The following ODF2 variants were observed in gnomAD, a reference collection of about 807,000 sequenced individuals.
ODF2 encodes outer dense fiber protein 2.
In ODF2, 47 loss-of-function variants were observed where a neutral mutation model predicts 110.2. The observed-to-expected ratio is 0.43, with a 90% CI of 0.34 to 0.54. ODF2 has a LOEUF of 0.54. ODF2 is among the 20% of genes least tolerant of loss of function. The pLI is 0.03. For missense variants in ODF2, 812 were observed against 1,054.5 expected (o/e 0.77, Z 3.19); for synonymous variants, 352 against 397.7 (o/e 0.89, Z 1.37).
At chr9:128,455,336 G>C (rs1446284556), upstream of ODF2, 5 of 921,872 alleles carry the variant, frequency 5.4e-6, no homozygotes, top group South Asian at 6.2e-5. Flanking sequence ...TGGATCATGA[G>C]GTCAGGAGAT....
intron 14 of ODF2, among the ~76,000 whole-genome samples, 198 bp from the exon 15 acceptor site, chr9:128,492,228 C>T (rs1423252814): frequency 6.6e-6 from 1 of 151,920 alleles, no homozygotes; most frequent in East Asian, 1.9e-4. Context: ...AAACAGAAGT[C>T]ATTTATTTGC....
chr9:128,482,536 G>A (rs1842595089), intron 9 of ODF2, among the ~76,000 whole-genome samples: 1 of 152,162 alleles, frequency 6.6e-6, no homozygotes, highest in Non-Finnish European at 1.5e-5. Context: ...ATCTCTGCAT[G>A]GGGGGTTACG....
At chr9:128,483,580 C>CAA (rs146802585) in intron 10 of ODF2, among the ~76,000 whole-genome samples, 8 of 107,284 alleles carry the variant, frequency 7.5e-5, no homozygotes, top group African/African-American at 2.1e-4. Flanking sequence ...TACCCTGTCT[C>CAA]AAAAAAAAAA....
chr9:128,460,173 A>C (rs1305122854), intron 3 of ODF2: 1 of 1,299,670 alleles, frequency 7.7e-7, no homozygotes, highest in African/African-American at 1.5e-5. Flanking sequence ...ATCACTGTGT[A>C]GAAGGATCCG....
At chr9:128,471,178 T>C in intron 5 of ODF2, 130 bp from the exon 6 acceptor site, 2 of 882,624 alleles carry the variant, frequency 2.3e-6, no homozygotes, top group Non-Finnish European at 3.4e-6. Context: ...CCTCCCAAAG[T>C]GCTGGGATTA....
intron 10 of ODF2, among the ~76,000 whole-genome samples, chr9:128,483,613 G>A (rs961255575): frequency 6.7e-6 from 1 of 149,246 alleles, no homozygotes; most frequent in East Asian, 2.0e-4. Flanking sequence ...GACCATGCGC[G>A]GTGGCTCACG....
chr9:128,485,541 C>A lies in ODF2; in HGVS notation c.1400+67C>A. On this transcript the variant is annotated intron_variant, in intron 13 of 20. Transcript: ENST00000604420. The surrounding 1 kb of genome is among the most constrained non-coding windows in gnomAD (Gnocchi z 5.0). ...GACTTGGGTGTGCAGGTGGGAGGGG[C>A]CTAGTGGCTCAGGGAAGGCCACGTG... is the stretch of plus-strand genomic sequence containing the variant. 2 of 870,276 alleles carry A rather than the reference C, an allele frequency of 2.3e-6. No homozygotes were observed. Among genetic ancestry groups the A allele is most frequent in the Non-Finnish European group, 1.9e-6 (1 of 526,398 alleles). 53.9% of individuals were successfully genotyped at this position (870,276 alleles called of 1,614,324 possible). A position where few individuals can be genotyped will look rare whatever the true frequency, so the allele number is the denominator to read the frequency against.
chr9:128,466,479 AAT>A (rs1837942682), intron 4 of ODF2, among the ~76,000 whole-genome samples: 1 of 151,034 alleles, frequency 6.6e-6, no homozygotes, highest in South Asian at 2.1e-4. Context: ...AAAAAAAAAA[AAT>A]GGAAAAGTGC....
chr9:128,481,707 C>G, intron 9 of ODF2, 56 bp downstream of exon 9: 1 of 1,423,710 alleles, frequency 7.0e-7, no homozygotes, highest in Non-Finnish European at 9.9e-7. Flanking sequence ...GAGCGTCGTT[C>G]CACTACAAAG....
intron 18 of ODF2, chr9:128,497,438 AAAAAAAAAATATATAT>A (rs1845746899): frequency 3.2e-5 from 3 of 94,576 alleles, no homozygotes; most frequent in African/African-American, 1.1e-4. Context: ...AAAAAAAAAA[AAAAAAAAAATATATAT>A]ATATATATAT....
rs546551268 is a variant in ODF2 at position 128,485,676 on chromosome 9, G to C, written c.1400+202G>C. 6.6e-6 allele frequency among the ~76,000 whole-genome samples: 1 copy of C among 152,154 alleles called. No individual in the cohort carries two copies. Among genetic ancestry groups the C allele is most frequent in the Admixed American group, 6.5e-5 (1 of 15,274 alleles). On this transcript the variant is annotated intron_variant, in intron 13 of 20. Transcript: ENST00000604420. This position sits in a 1 kb window ranked among gnomAD's most constrained non-coding sequence, Gnocchi z 5.0. ...GGTGCAAGCTCTGGCCCTAGTCCTG[G>C]GGTCCTACCCTACTGTCAGGCACTG...
At chr9:128,500,476 A>T (rs1211253618) in exon 21 of ODF2, 5 of 531,986 alleles carry the variant, frequency 9.4e-6, no homozygotes, top group African/African-American at 1.9e-5. Context: ...TGGAAGTGTT[A>T]AAATTTCCTC....
chr9:128,478,382 G>A (rs1235709905), intron 8 of ODF2, among the ~76,000 whole-genome samples: 1 of 152,138 alleles, frequency 6.6e-6, no homozygotes, highest in Non-Finnish European at 1.5e-5. Context: ...CAGATTGCCT[G>A]AGCTCAGGAA....
chr9:128,492,615 A>G lies in ODF2; in HGVS notation c.1647+79A>G, dbSNP rs1395917910. ...CAGACTGGGGGCTCCCTACCAGGCC[A>G]CTCCCAGGGAGGGTTGGGTATGGAA... is the stretch of plus-strand genomic sequence containing the variant. On this transcript the variant is annotated intron_variant, in intron 15 of 20. Transcript: ENST00000604420. The G allele has an allele frequency of 4.6e-6, 7 of 1,515,312 alleles. No homozygotes were observed. In the African/African-American group the frequency reaches 9.6e-5, roughly 21 times the overall value. The allele number at this position is 1,515,312 out of a possible 1,614,324, so 93.9% of individuals were successfully genotyped here.
chr9:128,469,402 G>A (rs1839138489), intron 5 of ODF2, 49 bp downstream of exon 5: 1 of 1,591,110 alleles, frequency 6.3e-7, no homozygotes, highest in African/African-American at 1.3e-5. Context: ...GGATGTGCAG[G>A]AGCACCCAGG....
At chr9:128,460,757 G>A in intron 3 of ODF2, 91 bp downstream of exon 3, 1 of 1,558,146 alleles carries the variant, frequency 6.4e-7, no homozygotes, top group Non-Finnish European at 8.7e-7. Context: ...CCAAAGGTTT[G>A]GGAGACAAAC....
At chr9:128,456,732 T>C in intron 1 of ODF2, 2 of 981,816 alleles carry the variant, frequency 2.0e-6, no homozygotes, top group Non-Finnish European at 2.4e-6. Context: ...GGGCACCGTC[T>C]CCGGCTTGCC....
intron 2 of ODF2, chr9:128,457,530 C>T (rs994784207): frequency 3.2e-5 from 46 of 1,441,550 alleles, no homozygotes; most frequent in Middle Eastern, 1.8e-4. Flanking sequence ...CCAGCTTCCT[C>T]ATTGTGTTTG....
At position 128,492,374 on chromosome 9, in the gene ODF2, T is replaced by C. The variant is rs75550348; in HGVS notation, c.1537-52T>C. ...TTTGGATAGAGTTGAGGGTAGGAGG[T>C]CCACCTGAAGCAGAACCTTCCTGTG... On this transcript the variant is annotated intron_variant, in intron 14 of 20. Coordinates refer to ENST00000604420, the Ensembl canonical transcript of ODF2. The C allele has an allele frequency of 7.7e-4, 944 of 1,230,576 alleles. 8 individuals are homozygous for C. The African/African-American group carries it at 0.013, about 17-fold the overall frequency. The allele number at this position is 1,230,576 out of a possible 1,614,324, so 76.2% of individuals were successfully genotyped here. A position where few individuals can be genotyped will look rare whatever the true frequency, so the allele number is the denominator to read the frequency against.
Sources: allele counts gnomAD v4.1 joint callset (sites outside exome capture counted in the v4.1 genomes callset), GRCh38; gene constraint gnomAD v4.1.1; non-coding constraint Gnocchi (gnomAD v3.1); transcripts MANE v1.5; gene names NCBI Gene and HGNC (gene_info 2026-07-23, HGNC 2026-07-21).